COL6A6: variants seen among roughly 807,000 people sequenced by gnomAD.
COL6A6 encodes collagen alpha-6(VI) chain.
A neutral mutation model predicts 208.6 loss-of-function variants in COL6A6; 183 were observed. That is an observed-to-expected ratio of 0.88 (90% CI 0.78 to 0.99). The LOEUF is 0.99. Among genes scored for constraint, COL6A6 ranks in the 50% least tolerant of loss-of-function variants. The probability of loss-of-function intolerance (pLI) is 0.00; values close to 1 mark genes in which losing one functional copy is unlikely to be tolerated. For synonymous variants in COL6A6, 973 were observed against 1,011.8 expected, an observed-to-expected ratio of 0.96 and a Z score of 0.73; for missense variants, 2,816 against 2,815.2, an observed-to-expected ratio of 1.00 and a Z score of -0.01.
At chr3:130,533,253 TAAAAAA>T (rs59750509) in intron 1 of COL6A6, among the ~76,000 whole-genome samples, 2 of 129,522 alleles carry the variant, frequency 1.5e-5, no homozygotes, top group Non-Finnish European at 1.6e-5. Flanking sequence ...TCCCAGGAAT[TAAAAAA>T]AAAAAAAAAA....
At position 130,566,812 on chromosome 3, in the gene COL6A6, A is replaced by G. The variant is rs931343998; in HGVS notation, c.1393A>G (p.Met465Val). 3.7e-6 allele frequency: 6 copies of G among 1,613,804 alleles called. No homozygotes were observed. In the African/African-American group the frequency reaches 6.7e-5, roughly 18 times the overall value. Residue 465 changes from methionine (M) to valine (V), a missense_variant, in exon 5 of 37, where the codon ATG (methionine) becomes GTG (valine). Coordinates refer to ENST00000358511, the MANE Select transcript of COL6A6 (RefSeq NM_001102608.3). ...GACGTTCCTGTCAGAGGTGGTAGGG[A>G]TGTTCAACATTGCTCCCCATAAGGT... ...MKTFLSEVVG[M>V]FNIAPHKVRV...
At chr3:130,623,055 G>A (rs939383404) in intron 24 of COL6A6, among the ~76,000 whole-genome samples, 1 of 152,146 alleles carries the variant, frequency 6.6e-6, no homozygotes, top group African/African-American at 2.4e-5. Flanking sequence ...AAAGCCTGTG[G>A]TGAATCTATT....
chr3:130,554,334 G>A (rs762712459), intron 1 of COL6A6, among the ~76,000 whole-genome samples: 48 of 152,330 alleles, frequency 3.2e-4, no homozygotes, highest in Non-Finnish European at 6.0e-4. Context: ...GTGTTGACAT[G>A]GGGGTGGGCT....
intron 1 of COL6A6, among the ~76,000 whole-genome samples, chr3:130,529,407 A>AT (rs2062033047): frequency 6.6e-6 from 1 of 152,102 alleles, no homozygotes; most frequent in Non-Finnish European, 1.5e-5. Context: ...GAAATATGGT[A>AT]TTTTCATCCC....
rs1164973987 is a variant in COL6A6 at position 130,517,412 on chromosome 3, C to CAA, written c.-32+16_-32+17dup. Among the ~76,000 whole-genome samples, 4 of 152,236 alleles carry CAA rather than the reference C, an allele frequency of 2.6e-5. No homozygotes were observed. Among genetic ancestry groups the CAA allele is most frequent in the African/African-American group, 9.6e-5 (4 of 41,470 alleles). On this transcript the variant is annotated intron_variant, in intron 1 of 36. Transcript: ENST00000358511. ...GTTTCCCCAAGGTAAGTCCAGGAGC[C>CAA]AACGCTGGGACAGCAAGAGCCAAAA...
At position 130,574,451 on chromosome 3, in the gene COL6A6, T is replaced by C. The variant is rs1318371755; in HGVS notation, c.3473T>C (p.Val1158Ala). ...GGGACTGCAGAGAAAAAACTGACAG[T>C]GCACAACTTCGATGAACTGAAGAAG... ...ITGTAEKKLT[V>A]HNFDELKKVN... Residue 1158 changes from valine (V) to alanine (A), a missense_variant, in exon 8 of 37, where the codon GTG becomes GCG. Transcript: ENST00000358511. 6.2e-7 allele frequency: 1 copy of C among 1,614,028 alleles called. No individual in the cohort carries two copies.
Position 130,600,792 on chromosome 3 carries a change from T to C in COL6A6, c.4653+982T>C, listed in dbSNP as rs143531533. Among the ~76,000 whole-genome samples the C allele has an allele frequency of 3.2e-3, 483 of 152,104 alleles. 1 individual carries two copies. The highest frequency in any genetic ancestry group is 6.8e-3 in the Middle Eastern group (2 of 294). ...GCATAAAACCTAGATGAACAGTTGATAGGTGCAGCAAACATGGCACACATA... is the reference window on the plus strand; with the variant it reads ...GCATAAAACCTAGATGAACAGTTGACAGGTGCAGCAAACATGGCACACATA... On this transcript the variant is annotated intron_variant, in intron 20 of 36. Transcript: ENST00000358511.
At position 130,661,862 on chromosome 3, in the gene COL6A6, ACTTCCTACC is replaced by A; in HGVS notation, c.6058_6066del (p.Phe2020_Pro2022del). ...GCCCTATTGAGCCATGCTCCCCCCG[ACTTCCTACC>A]CAACACTCAGAAGAGTCCAGTTAGA... On this transcript the variant is annotated inframe_deletion, in exon 35 of 37. Coordinates refer to ENST00000358511, the MANE Select transcript of COL6A6 (RefSeq NM_001102608.3). 6.2e-7 allele frequency: 1 copy of A among 1,613,900 alleles called. No homozygotes were observed. The highest frequency in any genetic ancestry group is 1.7e-5 in the Admixed American group (1 of 60,016).
In COL6A6 at chr3:130,571,046, A is replaced by T. The variant is rs200252403; in HGVS notation, c.2630A>T (p.Gln877Leu). 157 of 1,613,916 alleles carry T rather than the reference A, an allele frequency of 9.7e-5. 1 individual carries two copies. Among genetic ancestry groups the T allele is most frequent in the African/African-American group, 1.2e-4 (9 of 75,082 alleles). ...AAACTGGAGGTAATTTCAGTGCTCCAGAATGACCAAGCCATGGGTGGCAGT... is the reference window on the plus strand; with the variant it reads ...AAACTGGAGGTAATTTCAGTGCTCCTGAATGACCAAGCCATGGGTGGCAGT... ...GTKLEVISVL[Q>L]NDQAMGGSTY... The change falls in exon 7 of 37, where the codon CAG becomes CTG. Residue 877 changes from glutamine (Q) to leucine (L), a missense_variant. Coordinates refer to ENST00000358511, the MANE Select transcript of COL6A6 (RefSeq NM_001102608.3).
At chr3:130,571,472 G>A in intron 7 of COL6A6, 79 bp downstream of exon 7, 2 of 1,041,904 alleles carry the variant, frequency 1.9e-6, no homozygotes, top group Non-Finnish European at 1.4e-6. Context: ...TGGCTCTCAG[G>A]AACAAGTTTT....
At chr3:130,553,284 A>C (rs564716888) in intron 1 of COL6A6, among the ~76,000 whole-genome samples, 1 of 152,334 alleles carries the variant, frequency 6.6e-6, no homozygotes, top group African/African-American at 2.4e-5. Context: ...AGGAATGCCA[A>C]TGAGTCATAG....
At chr3:130,669,099 T>C (rs1471719614) in intron 36 of COL6A6, among the ~76,000 whole-genome samples, 1 of 152,156 alleles carries the variant, frequency 6.6e-6, no homozygotes, top group Non-Finnish European at 1.5e-5. Context: ...AAGTTAGAAA[T>C]TAATAATATT....
intron 11 of COL6A6, among the ~76,000 whole-genome samples, chr3:130,586,939 T>C (rs928837060): frequency 9.2e-5 from 14 of 152,112 alleles, no homozygotes; most frequent in Non-Finnish European, 7.4e-5. Context: ...CATGTCCAAA[T>C]TATAGCCAAA....
chr3:130,559,579 T>C (rs1011519432), intron 1 of COL6A6, among the ~76,000 whole-genome samples: 1 of 152,244 alleles, frequency 6.6e-6, no homozygotes, highest in Non-Finnish European at 1.5e-5. Flanking sequence ...TCATTTTTTG[T>C]TCAATTAATA....
At position 130,668,047 on chromosome 3, in the gene COL6A6, C is replaced by CA. The variant is rs567725706; in HGVS notation, c.6596+2960dup. ...GCCAAGAAAGTTTCTTTAAAAAGGC[C>CA]AAAAAAAAAGACAAGCAGAAGGCAC... On this transcript the variant is annotated intron_variant, in intron 36 of 36. Coordinates refer to ENST00000358511, the MANE Select transcript of COL6A6 (RefSeq NM_001102608.3). Among the ~76,000 whole-genome samples, 432 of 140,304 alleles carry CA rather than the reference C, an allele frequency of 3.1e-3. 2 individuals carry two copies. Among genetic ancestry groups the CA allele is most frequent in the South Asian group, 4.8e-3 (21 of 4,406 alleles). The allele number at this position is 140,304 out of a possible 152,430, so 92.0% of individuals were successfully genotyped here.
At chr3:130,561,525 G>T (rs998655664) in intron 2 of COL6A6, among the ~76,000 whole-genome samples, 2 of 151,904 alleles carry the variant, frequency 1.3e-5, no homozygotes, top group Admixed American at 6.6e-5. Context: ...AGTGTAGAAA[G>T]GAAAAGATTG....
chr3:130,674,956 G>A (rs955061673), intron 36 of COL6A6, among the ~76,000 whole-genome samples: 1 of 152,060 alleles, frequency 6.6e-6, no homozygotes. Flanking sequence ...GAAATGAGTG[G>A]TACATATTCC....
intron 23 of COL6A6, among the ~76,000 whole-genome samples, chr3:130,620,394 A>G (rs1051921121): frequency 3.3e-5 from 5 of 152,218 alleles, no homozygotes; most frequent in Non-Finnish European, 5.9e-5. Flanking sequence ...GACCAGGAAG[A>G]CCATGGTTAC....
chr3:130,525,908 C>G (rs1049569591), intron 1 of COL6A6, among the ~76,000 whole-genome samples: 4 of 152,206 alleles, frequency 2.6e-5, no homozygotes, highest in Non-Finnish European at 5.9e-5. Context: ...GAAGCCTTCC[C>G]TGGACTTTCC....
Sources: allele counts gnomAD v4.1 joint callset (sites outside exome capture counted in the v4.1 genomes callset), GRCh38; gene constraint gnomAD v4.1.1; transcripts MANE v1.5; gene names NCBI Gene and HGNC (gene_info 2026-07-23, HGNC 2026-07-21).